BNC2: variants seen among roughly 807,000 people sequenced by gnomAD.
BNC2 encodes zinc finger protein basonuclin-2.
A neutral mutation model predicts 76.3 loss-of-function variants in BNC2; 20 were observed. The observed-to-expected ratio is 0.26, with a 90% CI of 0.18 to 0.38. The LOEUF is 0.38. Ranked by LOEUF, BNC2 falls within the 10% of genes least tolerant of loss-of-function variation. The probability of loss-of-function intolerance (pLI) is 1.00; values close to 1 mark genes in which losing one functional copy is unlikely to be tolerated. For synonymous variants in BNC2, 582 were observed against 514.8 expected, an observed-to-expected ratio of 1.13 and a Z score of -1.77; for missense variants, 1,382 against 1,399.8, an observed-to-expected ratio of 0.99 and a Z score of 0.20.
intron 6 of BNC2, among the ~76,000 whole-genome samples, chr9:16,433,700 C>T (rs1197918178): frequency 6.6e-6 from 1 of 152,180 alleles, no homozygotes; most frequent in East Asian, 1.9e-4. Context: ...AGGCTTCAAA[C>T]ACTGGGTGTG....
intron 3 of BNC2, among the ~76,000 whole-genome samples, chr9:16,676,262 C>T (rs1350585458): frequency 1.3e-5 from 2 of 152,110 alleles, no homozygotes; most frequent in Non-Finnish European, 2.9e-5. Flanking sequence ...TTGAACAGAA[C>T]ATCACTAGCT....
In BNC2 at chr9:16,437,007, T is replaced by C. The variant is rs771130480; in HGVS notation, c.1187A>G (p.Lys396Arg). The C allele has an allele frequency of 6.2e-7, 1 of 1,614,166 alleles. No homozygotes were observed. The highest frequency in any genetic ancestry group is 8.5e-7 in the Non-Finnish European group (1 of 1,180,044). Residue 396 changes from lysine (K) to arginine (R), a missense_variant, in exon 6 of 7, where the codon AAA becomes AGA. Lys to Arg is a conservative substitution (Grantham distance 26). This residue lies in a region of BNC2 where 557 missense variants were observed against 540.9 expected (regional missense o/e 1.03). Coordinates refer to ENST00000380672, the MANE Select transcript of BNC2 (RefSeq NM_017637.6). ...ALTSITNVEP[K>R]TEPACVSPIQ... ...GGGAGAGACACAGGCTGGCTCGGTT[T>C]TGGGCTCCACATTAGTAATGCTGGT...
chr9:16,824,971 C>A (rs1256710576), intron 1 of BNC2, among the ~76,000 whole-genome samples: 2 of 152,024 alleles, frequency 1.3e-5, no homozygotes, highest in Non-Finnish European at 2.9e-5. Flanking sequence ...AACCTGCCAT[C>A]TGGTGTTAAG....
At chr9:16,426,185 G>A (rs980414712) in intron 6 of BNC2, among the ~76,000 whole-genome samples, 1 of 152,186 alleles carries the variant, frequency 6.6e-6, no homozygotes, top group Non-Finnish European at 1.5e-5. Flanking sequence ...TGAGCTTTGA[G>A]TTTTATATTT....
chr9:16,653,004 A>G (rs1821834607), intron 3 of BNC2, among the ~76,000 whole-genome samples: 1 of 152,180 alleles, frequency 6.6e-6, no homozygotes, highest in African/African-American at 2.4e-5. Context: ...TCTTGATTTC[A>G]AAATGTTGGC....
At chr9:16,663,608 T>G (rs1012362120) in intron 3 of BNC2, among the ~76,000 whole-genome samples, 2 of 152,186 alleles carry the variant, frequency 1.3e-5, no homozygotes, top group African/African-American at 4.8e-5. Context: ...TCTAAAATTA[T>G]GTATTTCTGT....
chr9:16,535,742 G>A (rs1312427272), intron 5 of BNC2, among the ~76,000 whole-genome samples: 1 of 152,112 alleles, frequency 6.6e-6, no homozygotes, highest in African/African-American at 2.4e-5. Context: ...TCCATGTCCT[G>A]GAGTAGTCAT....
intron 3 of BNC2, among the ~76,000 whole-genome samples, chr9:16,694,715 G>C (rs1385497537): frequency 6.6e-6 from 1 of 152,206 alleles, no homozygotes; most frequent in Non-Finnish European, 1.5e-5. Flanking sequence ...TGAGAAAGCA[G>C]ATTCAGTCCT....
chr9:16,630,755 T>TTTTTTTTTTTTTC (rs1366587121), intron 3 of BNC2, among the ~76,000 whole-genome samples: 8 of 151,258 alleles, frequency 5.3e-5, no homozygotes, highest in African/African-American at 2.0e-4. Context: ...GTTTCTTTTT[T>TTTTTTTTTTTTTC]TGAAACAGAG....
At chr9:16,543,000 T>C (rs1818371278) in intron 5 of BNC2, among the ~76,000 whole-genome samples, 1 of 152,144 alleles carries the variant, frequency 6.6e-6, no homozygotes, top group Non-Finnish European at 1.5e-5. Context: ...GAGGATTTCA[T>C]TCCTGTACAA....
At chr9:16,536,176 T>C (rs1222328912) in intron 5 of BNC2, among the ~76,000 whole-genome samples, 3 of 152,206 alleles carry the variant, frequency 2.0e-5, no homozygotes, top group Non-Finnish European at 2.9e-5. Flanking sequence ...TTCAGTGAAA[T>C]GAAACTCTTT....
At chr9:16,682,750 TCA>T (rs1261774655) in intron 3 of BNC2, among the ~76,000 whole-genome samples, 1 of 152,180 alleles carries the variant, frequency 6.6e-6, no homozygotes, top group Non-Finnish European at 1.5e-5. Context: ...TTTAAGCACT[TCA>T]GTGGTGAAAA....
rs118051355 is a variant in BNC2, at chr9:16,573,681, G to A, written c.433+9302C>T. Among the ~76,000 whole-genome samples, 449 of 152,230 alleles carry A rather than the reference G, an allele frequency of 2.9e-3. 24 individuals carry two copies. In the East Asian group the frequency reaches 0.075, roughly 25 times the overall value. On this transcript the variant is annotated intron_variant, in intron 4 of 6. Transcript: ENST00000380672. ...AAAGTGGGGATCTCCCTGGGTACCA[G>A]GGAGCAGCTGAACGAAGAGAGGAAT...
At chr9:16,542,654 G>C (rs1415598562) in intron 5 of BNC2, among the ~76,000 whole-genome samples, 1 of 152,208 alleles carries the variant, frequency 6.6e-6, no homozygotes, top group African/African-American at 2.4e-5. Flanking sequence ...ATCAAGAAGA[G>C]CTTCAGATCA....
At chr9:16,423,476 C>G (rs143344350) in intron 6 of BNC2, among the ~76,000 whole-genome samples, 34 of 152,222 alleles carry the variant, frequency 2.2e-4, no homozygotes, top group Middle Eastern at 6.8e-3. Context: ...CAAACCTTAG[C>G]CCCAGACGTT....
At chr9:16,845,190 C>A (rs868288862) in intron 1 of BNC2, among the ~76,000 whole-genome samples, 1 of 152,176 alleles carries the variant, frequency 6.6e-6, no homozygotes, top group African/African-American at 2.4e-5. Context: ...AGTGTAAATT[C>A]GGATTTCTAT....
intron 1 of BNC2, among the ~76,000 whole-genome samples, chr9:16,863,137 A>G (rs1586945240): frequency 6.6e-6 from 1 of 150,382 alleles, no homozygotes; most frequent in East Asian, 2.0e-4. Context: ...CTGGTCTTGA[A>G]CTCCTGACCT....
At chr9:16,561,401 G>A (rs1002092030) in intron 4 of BNC2, among the ~76,000 whole-genome samples, 16 of 152,108 alleles carry the variant, frequency 1.1e-4, no homozygotes, top group Non-Finnish European at 2.4e-4. Flanking sequence ...ACTCCACTGG[G>A]ACATGACTTA....
chr9:16,569,421 T>C (rs1390445577), intron 4 of BNC2, among the ~76,000 whole-genome samples: 3 of 152,118 alleles, frequency 2.0e-5, no homozygotes, highest in Non-Finnish European at 2.9e-5. Flanking sequence ...TACATACACA[T>C]ATAAACACCC....
Sources: allele counts gnomAD v4.1 joint callset (sites outside exome capture counted in the v4.1 genomes callset), GRCh38; gene constraint gnomAD v4.1.1; regional missense constraint gnomAD v4.1.1; transcripts MANE v1.5; gene names NCBI Gene and HGNC (gene_info 2026-07-23, HGNC 2026-07-21).